CSNK1A1: variants seen among roughly 807,000 people sequenced by gnomAD.
The protein encoded by CSNK1A1 is casein kinase I isoform alpha.
Under a neutral mutation model 46.1 loss-of-function variants are expected in CSNK1A1, and 7 were observed. That is an observed-to-expected ratio of 0.15 (90% CI 0.09 to 0.29). The LOEUF (loss-of-function observed/expected upper bound fraction) is 0.29, where lower values mean the gene tolerates loss of function less well. Among genes scored for constraint, CSNK1A1 ranks in the 10% least tolerant of loss-of-function variants. The pLI is 1.00. For synonymous variants in CSNK1A1, 137 were observed against 141.5 expected (o/e 0.97, Z 0.23); for missense variants, 96 against 417.1 (o/e 0.23, Z 6.71).
At chr5:149,508,913 T>C (rs1012686628) in intron 7 of CSNK1A1, among the ~76,000 whole-genome samples, 1 of 152,166 alleles carries the variant, frequency 6.6e-6, no homozygotes, top group African/African-American at 2.4e-5. Context: ...ATTTAACTTA[T>C]TTTTTATTAT....
At position 149,550,699 on chromosome 5, in the gene CSNK1A1, G is replaced by C. The variant is rs1262447208; in HGVS notation, c.123+143C>G. ...TTTAGGGAGACAGCGGACGAGGTTCGTAAGCCAGGAAAACTAGCTCCCTGG... is the reference window on the plus strand; with the variant it reads ...TTTAGGGAGACAGCGGACGAGGTTCCTAAGCCAGGAAAACTAGCTCCCTGG... On this transcript the variant is annotated intron_variant, in intron 1 of 9. Coordinates refer to ENST00000377843, the MANE Select transcript of CSNK1A1 (RefSeq NM_001892.6). The surrounding 1 kb of genome is among the most constrained non-coding windows in gnomAD (Gnocchi z 4.3). The C allele has an allele frequency of 6.7e-6, 8 of 1,199,410 alleles. No homozygotes were observed. In the African/African-American group the frequency reaches 7.7e-5, roughly 12 times the overall value. 74.3% of individuals were successfully genotyped at this position (1,199,410 alleles called of 1,614,324 possible). A position where few individuals can be genotyped will look rare whatever the true frequency, so the allele number is the denominator to read the frequency against.
intron 2 of CSNK1A1, among the ~76,000 whole-genome samples, chr5:149,528,889 A>G (rs906331968): frequency 1.3e-5 from 2 of 152,192 alleles, no homozygotes; most frequent in Non-Finnish European, 2.9e-5. Context: ...AGGCCATTTA[A>G]GTTTATAGTC....
rs1175618257 is a variant in CSNK1A1 at position 149,542,611 on chromosome 5, T to C, written c.230+7464A>G. ...ACAAATTTATATATATATATATATA[T>C]ATATATATATATATATATATATATA... On this transcript the variant is annotated intron_variant, in intron 2 of 9. Transcript: ENST00000377843. Among the ~76,000 whole-genome samples the C allele has an allele frequency of 9.0e-4, 11 of 12,284 alleles. 1 individual carries two copies. The highest frequency in any genetic ancestry group is 3.4e-3 in the East Asian group (1 of 296). The allele number at this position is 12,284 out of a possible 152,430, so 8.1% of individuals were successfully genotyped here. A position where few individuals can be genotyped will look rare whatever the true frequency, so the allele number is the denominator to read the frequency against.
At chr5:149,505,645 T>C (rs1368747554) in intron 8 of CSNK1A1, 50 bp from the exon 9 acceptor site, 1 of 1,485,236 alleles carries the variant, frequency 6.7e-7, no homozygotes, top group Admixed American at 1.7e-5. Flanking sequence ...CAGAGTCCAG[T>C]TATATAACCT....
chr5:149,504,486 T>C (rs1467543824), intron 9 of CSNK1A1: 6 of 985,332 alleles, frequency 6.1e-6, no homozygotes, highest in Middle Eastern at 5.2e-4. Context: ...ACTTGCCCAC[T>C]ACTTCCAGAA....
At chr5:149,499,025 T>C (rs570841456) in intron 9 of CSNK1A1, 1 of 985,440 alleles carries the variant, frequency 1.0e-6, no homozygotes, top group East Asian at 1.1e-4. Flanking sequence ...ACTCTTCAAA[T>C]GGGTCAATGG....
chr5:149,524,385 C>A (rs1478160660), intron 3 of CSNK1A1, among the ~76,000 whole-genome samples: 1 of 152,136 alleles, frequency 6.6e-6, no homozygotes, highest in Non-Finnish European at 1.5e-5. Flanking sequence ...ATTTACCAAT[C>A]ATTACCTTAA....
intron 2 of CSNK1A1, among the ~76,000 whole-genome samples, chr5:149,543,913 A>G (rs1428836155): frequency 6.6e-6 from 1 of 152,214 alleles, no homozygotes; most frequent in African/African-American, 2.4e-5. Flanking sequence ...AAATAAAAAT[A>G]ATAAAAGATG....
chr5:149,523,399 A>ATT (rs1761633515), intron 3 of CSNK1A1, among the ~76,000 whole-genome samples: 1 of 152,184 alleles, frequency 6.6e-6, no homozygotes, highest in South Asian at 2.1e-4. Flanking sequence ...CTCAGGCTGG[A>ATT]GTGCAGTGGC....
At chr5:149,505,396 T>C in intron 9 of CSNK1A1, 51 bp downstream of exon 9, 2 of 1,580,574 alleles carry the variant, frequency 1.3e-6, no homozygotes, top group Non-Finnish European at 1.7e-6. Flanking sequence ...AATTACCCAA[T>C]TTTGTATTCA....
chr5:149,514,936 C>T (rs1191522452), intron 4 of CSNK1A1, among the ~76,000 whole-genome samples: 4 of 152,154 alleles, frequency 2.6e-5, no homozygotes, highest in Admixed American at 1.3e-4. Context: ...CAAGTCATTA[C>T]AGGAAAATTT....
intron 2 of CSNK1A1, among the ~76,000 whole-genome samples, chr5:149,544,125 G>C (rs2113193555): frequency 6.6e-6 from 1 of 152,290 alleles, no homozygotes; most frequent in Non-Finnish European, 1.5e-5. Flanking sequence ...AGCTCAGTAT[G>C]CAAAGGCAAA....
intron 9 of CSNK1A1, chr5:149,502,847 C>A (rs1760914898): frequency 3.2e-5 from 24 of 744,146 alleles, no homozygotes; most frequent in Non-Finnish European, 3.8e-5. Context: ...TGGCTCACTG[C>A]AACCTCCACC....
chr5:149,538,995 C>T (rs1762148054), intron 2 of CSNK1A1, among the ~76,000 whole-genome samples: 1 of 151,588 alleles, frequency 6.6e-6, no homozygotes, highest in Non-Finnish European at 1.5e-5. Context: ...CATTATTGTA[C>T]TTGGCACAAT....
rs1762616364 is a variant in CSNK1A1, at chr5:149,550,346, A to G, written c.124-165T>C. ...TTATAAAACGAGGCAACCAGCCTCA[A>G]AGGCCTCTTCAGGGGGTAGTGACGA... is the stretch of plus-strand genomic sequence containing the variant. On this transcript the variant is annotated intron_variant, in intron 1 of 9. Coordinates refer to ENST00000377843, the MANE Select transcript of CSNK1A1 (RefSeq NM_001892.6). The surrounding 1 kb of genome is among the most constrained non-coding windows in gnomAD (Gnocchi z 4.3). 2.8e-6 allele frequency: 4 copies of G among 1,429,428 alleles called. No homozygotes were observed. The highest frequency in any genetic ancestry group is 3.6e-6 in the Non-Finnish European group (4 of 1,096,804). The allele number at this position is 1,429,428 out of a possible 1,614,324, so 88.5% of individuals were successfully genotyped here.
chr5:149,550,848 G>A lies in CSNK1A1; in HGVS notation c.117C>T (p.Asn39=). The stretch of plus-strand genomic sequence containing the variant: ...CCCCACCCCAGATGATTACCTCGCC[G>A]TTGGTGATGTTGATCGCCAAATAGA... ...GDIYLAINIT[N]GEEVAVKLES... The change falls in exon 1 of 10, where the codon AAC becomes AAT. Residue 39 remains asparagine, a synonymous_variant. Coordinates refer to ENST00000377843, the MANE Select transcript of CSNK1A1 (RefSeq NM_001892.6). The surrounding 1 kb of genome is among the most constrained non-coding windows in gnomAD (Gnocchi z 4.3). 6.2e-7 allele frequency: 1 copy of A among 1,614,028 alleles called. No individual in the cohort carries two copies.
At chr5:149,518,708 C>G (rs995151184) in intron 4 of CSNK1A1, among the ~76,000 whole-genome samples, 1 of 152,084 alleles carries the variant, frequency 6.6e-6, no homozygotes, top group East Asian at 1.9e-4. Context: ...GAAAAGGAGA[C>G]CTAAACCTCC....
At chr5:149,546,197 C>A (rs10066339) in intron 2 of CSNK1A1, among the ~76,000 whole-genome samples, 3 of 151,846 alleles carry the variant, frequency 2.0e-5, no homozygotes, top group Non-Finnish European at 4.4e-5. Context: ...CCATGGCGCC[C>A]GGCTTATCCT....
rs1554117935 is a variant in CSNK1A1 at position 149,543,486 on chromosome 5, G to GT, written c.230+6588_230+6589insA. ...CGTGATCTGTGACGTACGTTTTTCT[G>GT]GTTTTTTTTTTTTAGTCCAAGCTAA... On this transcript the variant is annotated intron_variant, in intron 2 of 9. Coordinates refer to ENST00000377843, the MANE Select transcript of CSNK1A1 (RefSeq NM_001892.6). 7.5e-3 allele frequency among the ~76,000 whole-genome samples: 1,108 copies of GT among 147,678 alleles called. 7 individuals carry two copies. Among genetic ancestry groups the GT allele is most frequent in the South Asian group, 0.014 (63 of 4,586 alleles).
Sources: gnomAD v4.1 joint callset for allele counts (sites outside exome capture counted in the v4.1 genomes callset) on GRCh38, gnomAD v4.1.1 for gene constraint, Gnocchi (gnomAD v3.1) non-coding constraint, MANE v1.5 for transcripts, NCBI Gene and HGNC (gene_info 2026-07-23, HGNC 2026-07-21) for gene names.